The following CLVS1 variants were observed in gnomAD, a reference collection of about 807,000 sequenced individuals.
The protein encoded by CLVS1 is clavesin-1.
A neutral mutation model predicts 33.1 loss-of-function variants in CLVS1; 10 were observed. That is an observed-to-expected ratio of 0.30 (90% confidence interval 0.19 to 0.51). CLVS1 has a LOEUF of 0.51. CLVS1 is among the 20% of genes least tolerant of loss of function. The probability of loss-of-function intolerance (pLI) is 0.97; values close to 1 mark genes in which losing one functional copy is unlikely to be tolerated. For synonymous variants in CLVS1, 163 were observed against 166.1 expected (o/e 0.98, Z 0.14); for missense variants, 343 against 433.4 (o/e 0.79, Z 1.85).
chr8:61,326,523 A>C (rs1400491434), intron 2 of CLVS1, among the ~76,000 whole-genome samples: 1 of 152,200 alleles, frequency 6.6e-6, no homozygotes, highest in Non-Finnish European at 1.5e-5. Context: ...GATTCCTGGT[A>C]CCACATTCTA....
chr8:61,442,126 T>C (rs531963353), intron 3 of CLVS1, among the ~76,000 whole-genome samples: 119 of 152,332 alleles, frequency 7.8e-4, no homozygotes, highest in African/African-American at 2.8e-3. Flanking sequence ...ATCTGTTCTG[T>C]TTCTATAATT....
chr8:61,438,894 C>T (rs897193336), intron 3 of CLVS1, among the ~76,000 whole-genome samples: 1 of 152,138 alleles, frequency 6.6e-6, no homozygotes, highest in Non-Finnish European at 1.5e-5. Flanking sequence ...GTTCCTGATG[C>T]ATACTAAGTG....
intron 3 of CLVS1, among the ~76,000 whole-genome samples, chr8:61,416,286 C>A (rs766740358): frequency 4.5e-4 from 11 of 24,560 alleles, no homozygotes; most frequent in Non-Finnish European, 1.6e-3. Context: ...AACAAGATAG[C>A]TAGCTAGCTA....
chr8:61,446,754 A>G (rs1039501435), intron 3 of CLVS1, among the ~76,000 whole-genome samples: 1 of 152,038 alleles, frequency 6.6e-6, no homozygotes, highest in Non-Finnish European at 1.5e-5. Context: ...TTCAAGGGAG[A>G]AAAAAACATT....
intron 2 of CLVS1, among the ~76,000 whole-genome samples, chr8:61,265,979 G>A (rs561527015): frequency 2.6e-5 from 4 of 152,164 alleles, no homozygotes; most frequent in Non-Finnish European, 5.9e-5. Context: ...TTCCATCTGG[G>A]TTTATTCCTG....
At chr8:61,161,857 T>C (rs905217537) in intron 2 of CLVS1, among the ~76,000 whole-genome samples, 1 of 152,236 alleles carries the variant, frequency 6.6e-6, no homozygotes, top group Non-Finnish European at 1.5e-5. Context: ...ATAAGCATTT[T>C]TAAACTGTCT....
At chr8:61,412,616 T>C (rs1047072920) in intron 3 of CLVS1, among the ~76,000 whole-genome samples, 8 of 152,210 alleles carry the variant, frequency 5.3e-5, no homozygotes, top group African/African-American at 1.4e-4. Context: ...GTGCATCTTG[T>C]AACAACCGGA....
chr8:61,336,105 G>A (rs1811789867), intron 2 of CLVS1, among the ~76,000 whole-genome samples: 1 of 152,124 alleles, frequency 6.6e-6, no homozygotes, highest in Non-Finnish European at 1.5e-5. Flanking sequence ...ACTCTACGCT[G>A]CTAACCTGGG....
chr8:61,295,893 G>C (rs1427216734), intron 1 of CLVS1, among the ~76,000 whole-genome samples: 1 of 152,004 alleles, frequency 6.6e-6, no homozygotes, highest in Admixed American at 6.6e-5. Context: ...CAAATGCCTA[G>C]AACATAATAA....
chr8:61,267,054 T>C (rs574778351), intron 2 of CLVS1, among the ~76,000 whole-genome samples: 19 of 152,278 alleles, frequency 1.2e-4, no homozygotes, highest in African/African-American at 4.6e-4. Context: ...CCAGAATGGG[T>C]GCCTGATGGT....
At chr8:61,462,250 T>A (rs2129607343) in intron 5 of CLVS1, among the ~76,000 whole-genome samples, 1 of 152,372 alleles carries the variant, frequency 6.6e-6, no homozygotes, top group African/African-American at 2.4e-5. Flanking sequence ...GAATCTTGAA[T>A]GTTCTAGAAT....
intron 2 of CLVS1, among the ~76,000 whole-genome samples, chr8:61,310,000 G>C (rs1484818670): frequency 6.6e-6 from 1 of 152,188 alleles, no homozygotes; most frequent in Non-Finnish European, 1.5e-5. Context: ...CATGAAAGGG[G>C]AAGATTTCTA....
At chr8:61,134,396 G>T (rs989144467) in intron 2 of CLVS1, among the ~76,000 whole-genome samples, 1 of 152,186 alleles carries the variant, frequency 6.6e-6, no homozygotes, top group Non-Finnish European at 1.5e-5. Context: ...ACCTGTTTTT[G>T]TTTGGCCAGT....
chr8:61,336,690 G>A (rs976853748), intron 2 of CLVS1, among the ~76,000 whole-genome samples: 18 of 152,006 alleles, frequency 1.2e-4, no homozygotes, highest in African/African-American at 3.1e-4. Context: ...CAACAGAATG[G>A]GAAAGAAAAG....
intron 1 of CLVS1, among the ~76,000 whole-genome samples, chr8:61,102,884 G>C (rs1423311666): frequency 1.3e-5 from 2 of 152,140 alleles, no homozygotes; most frequent in African/African-American, 4.8e-5. Context: ...AAAACAAAAA[G>C]GCAGCTCTCA....
rs1814258485 is a variant in CLVS1, at chr8:61,390,442, G to C, written c.630+13663G>C. ...TTGGCCACAGGAGTTAACTCCTTAG[G>C]ATAAACTTCTGGAGGTGAAGAGCAT... On this transcript the variant is annotated intron_variant, in intron 3 of 5. Transcript: ENST00000325897. Among the ~76,000 whole-genome samples, 3 of 152,182 alleles carry C rather than the reference G, an allele frequency of 2.0e-5. No homozygotes were observed. The South Asian group carries it at 6.2e-4, about 32-fold the overall frequency.
chr8:61,085,967 C>T (rs1359107814), intron 1 of CLVS1, among the ~76,000 whole-genome samples: 1 of 129,230 alleles, frequency 7.7e-6, no homozygotes, highest in Non-Finnish European at 1.6e-5. Flanking sequence ...ACCGTGGAGG[C>T]GGAGCTTGCA....
chr8:61,273,691 T>C (rs1809504587), intron 2 of CLVS1, among the ~76,000 whole-genome samples: 2 of 152,216 alleles, frequency 1.3e-5, no homozygotes, highest in African/African-American at 4.8e-5. Context: ...TATAATCTCG[T>C]GGTGCGCCGT....
intron 2 of CLVS1, among the ~76,000 whole-genome samples, chr8:61,311,702 A>G (rs898056339): frequency 2.0e-5 from 3 of 152,166 alleles, no homozygotes; most frequent in Non-Finnish European, 4.4e-5. Context: ...TGAAATTCTC[A>G]CTTATAAACT....
Sources: gnomAD v4.1 joint callset for allele counts (sites outside exome capture counted in the v4.1 genomes callset) on GRCh38, gnomAD v4.1.1 for gene constraint, MANE v1.5 for transcripts, NCBI Gene and HGNC (gene_info 2026-07-23, HGNC 2026-07-21) for gene names.